The following GABBR2 variants were observed in gnomAD, a reference collection of about 807,000 sequenced individuals.
GABBR2 encodes G-protein coupled receptor 51.
GABBR2 carries 23 observed loss-of-function variants against 105.6 expected under a neutral mutation model. That is an observed-to-expected ratio of 0.22 (90% CI 0.16 to 0.31). The LOEUF (loss-of-function observed/expected upper bound fraction) is 0.31, where lower values mean the gene tolerates loss of function less well. Among genes scored for constraint, GABBR2 ranks in the 10% least tolerant of loss-of-function variants. The probability of loss-of-function intolerance (pLI) is 1.00; values close to 1 mark genes in which losing one functional copy is unlikely to be tolerated. For missense variants in GABBR2, 734 were observed against 1,245.5 expected (o/e 0.59, Z 6.18); for synonymous variants, 478 against 499.7 (o/e 0.96, Z 0.58).
intron 1 of GABBR2, among the ~76,000 whole-genome samples, chr9:98,647,850 G>C (rs1382865681): frequency 2.0e-5 from 3 of 152,076 alleles, no homozygotes; most frequent in Non-Finnish European, 2.9e-5. Context: ...CTGATACGAA[G>C]GTTAGTCACT....
intron 1 of GABBR2, among the ~76,000 whole-genome samples, chr9:98,653,273 A>G (rs1830134282): frequency 6.6e-6 from 1 of 152,234 alleles, no homozygotes; most frequent in Non-Finnish European, 1.5e-5. Flanking sequence ...TGCTGAGATT[A>G]CAGGCATGAG....
intron 3 of GABBR2, among the ~76,000 whole-genome samples, chr9:98,504,495 G>C (rs1827466189): frequency 6.6e-6 from 1 of 152,164 alleles, no homozygotes. Flanking sequence ...GGAGAACCAG[G>C]GCTGCACCAC....
intron 1 of GABBR2, among the ~76,000 whole-genome samples, chr9:98,604,629 C>T (rs924647629): frequency 6.6e-6 from 1 of 152,154 alleles, no homozygotes; most frequent in Admixed American, 6.5e-5. Context: ...GTTTTTAATG[C>T]TGGCTGGATG....
chr9:98,577,886 G>C, intron 2 of GABBR2, 49 bp downstream of exon 2: 2 of 1,557,702 alleles, frequency 1.3e-6, no homozygotes, highest in Admixed American at 1.9e-5. Context: ...AAAAGACTGA[G>C]GGCCAACCAA....
At chr9:98,696,414 A>T (rs555469668) in intron 1 of GABBR2, among the ~76,000 whole-genome samples, 1 of 152,288 alleles carries the variant, frequency 6.6e-6, no homozygotes, top group East Asian at 1.9e-4. Flanking sequence ...TTCCCACCCC[A>T]AGAACAATGG....
At chr9:98,444,395 G>A (rs893512705) in intron 7 of GABBR2, among the ~76,000 whole-genome samples, 1 of 152,114 alleles carries the variant, frequency 6.6e-6, no homozygotes, top group African/African-American at 2.4e-5. Context: ...TGACATAGGT[G>A]AGCAAGCCAG....
chr9:98,607,617 G>T, intron 1 of GABBR2: 1 of 707,864 alleles, frequency 1.4e-6, no homozygotes, highest in Middle Eastern at 4.0e-4. Context: ...TCAGAGGAAA[G>T]CAGCATCCTT....
At chr9:98,486,401 G>C (rs1350307619) in intron 4 of GABBR2, among the ~76,000 whole-genome samples, 5 of 152,222 alleles carry the variant, frequency 3.3e-5, no homozygotes, top group Admixed American at 6.5e-5. Flanking sequence ...TGAAATTGCT[G>C]GTGTGCATTT....
At chr9:98,619,347 T>A (rs1829636859) in intron 1 of GABBR2, among the ~76,000 whole-genome samples, 1 of 151,780 alleles carries the variant, frequency 6.6e-6, no homozygotes, top group Non-Finnish European at 1.5e-5. Context: ...TTAAACATAG[T>A]TTAAGAAGGG....
intron 2 of GABBR2, among the ~76,000 whole-genome samples, chr9:98,547,471 G>A (rs1828421998): frequency 8.5e-6 from 1 of 117,724 alleles, no homozygotes; most frequent in Non-Finnish European, 1.9e-5. Context: ...CTGGGCCACA[G>A]GATTATCTGT....
chr9:98,629,015 G>A (rs778325716), intron 1 of GABBR2, among the ~76,000 whole-genome samples: 1 of 152,134 alleles, frequency 6.6e-6, no homozygotes, highest in Non-Finnish European at 1.5e-5. Flanking sequence ...AATTTGAAAC[G>A]AAGTCTAAGT....
chr9:98,604,049 C>T (rs999800453), intron 1 of GABBR2, among the ~76,000 whole-genome samples: 1 of 152,170 alleles, frequency 6.6e-6, no homozygotes, highest in African/African-American at 2.4e-5. Flanking sequence ...CTTGGAGACC[C>T]GCCCGGGCAC....
chr9:98,343,016 G>A lies in GABBR2; in HGVS notation c.1893+19699C>T, dbSNP rs144955831. 3.3e-4 allele frequency among the ~76,000 whole-genome samples: 51 copies of A among 152,302 alleles called. No individual in the cohort carries two copies. The East Asian group carries it at 9.1e-3, about 27-fold the overall frequency. On this transcript the variant is annotated intron_variant, in intron 13 of 18. Transcript: ENST00000259455. ...AAATTATTTAAAACTCTATGTGTTT[G>A]CCTCTTCCAATATCTGTTTCCATAG...
chr9:98,600,629 C>A (rs1479177117), intron 1 of GABBR2, among the ~76,000 whole-genome samples: 5 of 152,252 alleles, frequency 3.3e-5, no homozygotes, highest in Admixed American at 6.5e-5. Context: ...CAGCTGTCAC[C>A]ATGACTATTG....
intron 1 of GABBR2, among the ~76,000 whole-genome samples, chr9:98,586,731 C>T (rs1207465746): frequency 3.9e-5 from 6 of 152,246 alleles, no homozygotes; most frequent in Non-Finnish European, 5.9e-5. Context: ...GCCCTTATGG[C>T]TCCACATTAT....
At chr9:98,445,317 G>A (rs968308155) in intron 7 of GABBR2, among the ~76,000 whole-genome samples, 2 of 152,220 alleles carry the variant, frequency 1.3e-5, no homozygotes, top group East Asian at 1.9e-4. Context: ...CACCAGGGAC[G>A]AGGGAGAAGA....
At chr9:98,346,524 G>A (rs1048458876) in intron 13 of GABBR2, among the ~76,000 whole-genome samples, 1 of 152,130 alleles carries the variant, frequency 6.6e-6, no homozygotes, top group Non-Finnish European at 1.5e-5. Context: ...AATGAAATCA[G>A]CATAATTAGC....
At chr9:98,356,130 T>C (rs1291544706) in intron 13 of GABBR2, among the ~76,000 whole-genome samples, 1 of 152,182 alleles carries the variant, frequency 6.6e-6, no homozygotes, top group Non-Finnish European at 1.5e-5. Flanking sequence ...AACTTTGTGT[T>C]TGGCAATGAG....
chr9:98,540,597 T>C (rs1828276913), intron 3 of GABBR2, among the ~76,000 whole-genome samples: 1 of 152,194 alleles, frequency 6.6e-6, no homozygotes, highest in South Asian at 2.1e-4. Context: ...CTGCCCGGCC[T>C]TTCCCCATTC....
Sources: allele counts gnomAD v4.1 joint callset (sites outside exome capture counted in the v4.1 genomes callset), GRCh38; gene constraint gnomAD v4.1.1; transcripts MANE v1.5; gene names NCBI Gene and HGNC (gene_info 2026-07-23, HGNC 2026-07-21).